Variants in CMPK1 observed in about 807,000 individuals in gnomAD.
CMPK1 encodes UMP-CMP kinase.
Under a neutral mutation model 25.7 loss-of-function variants are expected in CMPK1, and 10 were observed. The observed-to-expected ratio is 0.39, with a 90% CI of 0.24 to 0.66. The LOEUF (loss-of-function observed/expected upper bound fraction) is 0.66, where lower values mean the gene tolerates loss of function less well. Among genes scored for constraint, CMPK1 ranks in the 30% least tolerant of loss-of-function variants. The pLI is 0.48. For synonymous variants in CMPK1, 106 were observed against 101.5 expected (o/e 1.04, Z -0.27); for missense variants, 199 against 280.5 (o/e 0.71, Z 2.08).
chr1:47,344,164 T>C (rs1323210679), intron 1 of CMPK1, among the ~76,000 whole-genome samples: 2 of 151,902 alleles, frequency 1.3e-5, no homozygotes, highest in Non-Finnish European at 2.9e-5. Flanking sequence ...GATAGAATGA[T>C]AAATCCTATG....
intron 1 of CMPK1, among the ~76,000 whole-genome samples, chr1:47,342,640 C>T (rs1363734399): frequency 7.4e-6 from 1 of 134,390 alleles, no homozygotes; most frequent in Non-Finnish European, 1.6e-5. Flanking sequence ...TTTCCTTTTT[C>T]TCTTTTTTCT....
Position 47,333,963 on chromosome 1 carries a change from C to T in CMPK1, c.18C>T (p.Arg6=), listed in dbSNP as rs766662235. ...CGCGGTGTATGCTGAGCCGCTGCCG[C>T]AGCGGGCTGCTCCACGTCCTGGGCC... MLSRC[R]SGLLHVLGLS... The change falls in exon 1 of 6, where the codon CGC becomes CGT. Residue 6 remains arginine, a synonymous_variant. Transcript: ENST00000371873. 4 of 1,492,122 alleles carry T rather than the reference C, an allele frequency of 2.7e-6. No homozygotes were observed. Among genetic ancestry groups the T allele is most frequent in the Admixed American group, 4.0e-5 (2 of 49,754 alleles). The allele number at this position is 1,492,122 out of a possible 1,614,324, so 92.4% of individuals were successfully genotyped here. A position where few individuals can be genotyped will look rare whatever the true frequency, so the allele number is the denominator to read the frequency against.
At position 47,377,998 on chromosome 1, in the gene CMPK1, A is replaced by C; in HGVS notation, c.*1253A>C. 6.6e-6 allele frequency: 1 copy of C among 152,238 alleles called. No homozygotes were observed. Among genetic ancestry groups the C allele is most frequent in the East Asian group, 1.9e-4 (1 of 5,202 alleles). The allele number at this position is 152,238 out of a possible 1,614,324, so 9.4% of individuals were successfully genotyped here. On this transcript the variant is annotated 3_prime_UTR_variant, in exon 6 of 6. Transcript: ENST00000371873. ...ATCCGAGGTTCTTAATATGAGATTT[A>C]AAATCTTAAAATGTTTCTTATTTTC...
chr1:47,357,438 A>G (rs1215767753), intron 1 of CMPK1, among the ~76,000 whole-genome samples: 1 of 151,372 alleles, frequency 6.6e-6, no homozygotes, highest in Non-Finnish European at 1.5e-5. Context: ...ATCCTTTTAC[A>G]AGGAAACCAC....
Position 47,368,451 on chromosome 1 carries a change from T to C in CMPK1, c.172-18T>C, listed in dbSNP as rs1646654269. The C allele has an allele frequency of 2.5e-6, 4 of 1,580,930 alleles. No homozygotes were observed. The East Asian group carries it at 9.2e-5, about 36-fold the overall frequency. On this transcript the variant is annotated intron_variant, in intron 1 of 5. Transcript: ENST00000371873. ...GTTGAATGAATTCTGATATTTTTCC[T>C]ATGTGTGCTTCTTTCAGAAATATGG... is the stretch of plus-strand genomic sequence containing the variant.
chr1:47,369,288 G>A (rs2622901), intron 2 of CMPK1, among the ~76,000 whole-genome samples: 63,706 of 151,986 alleles, frequency 0.42, 15,438 homozygotes, highest in South Asian at 0.55. Flanking sequence ...TTACAGGAGA[G>A]AGCCACCACA....
chr1:47,364,277 T>TTA (rs1409190869), intron 1 of CMPK1, among the ~76,000 whole-genome samples: 2 of 152,072 alleles, frequency 1.3e-5, no homozygotes, highest in Non-Finnish European at 1.5e-5. Context: ...CCTAATAGTT[T>TTA]TATATATATA....
intron 1 of CMPK1, among the ~76,000 whole-genome samples, chr1:47,350,237 C>T (rs1646513398): frequency 6.6e-6 from 1 of 151,394 alleles, no homozygotes; most frequent in African/African-American, 2.4e-5. Context: ...CCATGCTCCA[C>T]CTACTGTTTT....
At chr1:47,370,744 A>G (rs1485742847) in intron 2 of CMPK1, among the ~76,000 whole-genome samples, 1 of 146,990 alleles carries the variant, frequency 6.8e-6, no homozygotes, top group Non-Finnish European at 1.5e-5. Context: ...CAAGACCAAC[A>G]TGGCCAACAT....
intron 2 of CMPK1, among the ~76,000 whole-genome samples, chr1:47,372,302 G>A (rs1381049698): frequency 3.9e-5 from 6 of 151,958 alleles, no homozygotes; most frequent in South Asian, 4.2e-4. Flanking sequence ...CATCTTGGCC[G>A]GGCTGGTTCT....
intron 1 of CMPK1, among the ~76,000 whole-genome samples, chr1:47,368,075 G>T (rs1274256265): frequency 1.3e-5 from 2 of 152,054 alleles, no homozygotes; most frequent in African/African-American, 2.4e-5. Context: ...TCAGCCTCCT[G>T]AGTAGCTGGG....
intron 1 of CMPK1, among the ~76,000 whole-genome samples, chr1:47,337,937 G>GCTA (rs781363097): frequency 6.6e-6 from 1 of 152,220 alleles, no homozygotes. Context: ...AGTGAAGTCA[G>GCTA]CGGTATGTTG....
Position 47,375,295 on chromosome 1 carries a change from T to TTTTTGATGAAGTTGTGCAG in CMPK1, c.645+2_645+3insTTTTGATGAAGTTGTGCAG. 1 of 1,543,488 alleles carries TTTTTGATGAAGTTGTGCAG rather than the reference T, an allele frequency of 6.5e-7. No homozygotes were observed. Among genetic ancestry groups the TTTTTGATGAAGTTGTGCAG allele is most frequent in the Non-Finnish European group, 8.8e-7 (1 of 1,130,282 alleles). Reference sequence around the variant, plus strand: ...GATGCTTCTAAATCTGTTGATGAAGTAAGTGTTCCTAGCCTGTCTTTAAAA... The same window carrying TTTTTGATGAAGTTGTGCAG: ...GATGCTTCTAAATCTGTTGATGAAGTTTTTGATGAAGTTGTGCAGAAGTGTTCCTAGCCTGTCTTTAAAA... On this transcript the variant is annotated splice_region_variant and intron_variant, in intron 5 of 5. Coordinates refer to ENST00000371873, the MANE Select transcript of CMPK1 (RefSeq NM_016308.3).
In CMPK1 at chr1:47,378,776, T is replaced by C. The variant is rs908917597; in HGVS notation, c.*2031T>C. The C allele has an allele frequency of 2.0e-5, 3 of 152,092 alleles. No homozygotes were observed. Among genetic ancestry groups the C allele is most frequent in the Non-Finnish European group, 4.4e-5 (3 of 68,008 alleles). 9.4% of individuals were successfully genotyped at this position (152,092 alleles called of 1,614,324 possible). A position where few individuals can be genotyped will look rare whatever the true frequency, so the allele number is the denominator to read the frequency against. ...TTTTTAAATTATTTCCATTCAGTGA[T>C]GTTGGATGTATATCAGTTATTTAGT... is the stretch of plus-strand genomic sequence containing the variant. On this transcript the variant is annotated 3_prime_UTR_variant, in exon 6 of 6. Coordinates refer to ENST00000371873, the MANE Select transcript of CMPK1 (RefSeq NM_016308.3).
chr1:47,361,384 A>G (rs2622906), intron 1 of CMPK1, among the ~76,000 whole-genome samples: 143,811 of 152,154 alleles, frequency 0.95, 68,344 homozygotes, highest in South Asian at 0.99. Context: ...GCAAGACTCT[A>G]TCTCAAAAAT....
intron 1 of CMPK1, among the ~76,000 whole-genome samples, chr1:47,363,029 C>T (rs1033759572): frequency 2.0e-5 from 3 of 152,154 alleles, no homozygotes; most frequent in Admixed American, 6.6e-5. Context: ...GTAAGTTCCC[C>T]AGGGATGGCA....
At position 47,333,891 on chromosome 1, in the gene CMPK1, C is replaced by A. The variant is rs545775823; in HGVS notation, c.-55C>A. The A allele has an allele frequency of 7.4e-4, 885 of 1,190,776 alleles. No individual in the cohort carries two copies. Among genetic ancestry groups the A allele is most frequent in the Admixed American group, 8.7e-4 (20 of 22,972 alleles). 73.8% of individuals were successfully genotyped at this position (1,190,776 alleles called of 1,614,324 possible). On this transcript the variant is annotated 5_prime_UTR_variant, in exon 1 of 6. Transcript: ENST00000371873. The stretch of plus-strand genomic sequence containing the variant: ...TTCTCCCGCCGCCTCCCCGCCCCGC[C>A]CCGCGCCGCGCCGGCCGCTGTCAGC...
intron 2 of CMPK1, among the ~76,000 whole-genome samples, chr1:47,372,653 A>G (rs1646684475): frequency 6.6e-6 from 1 of 152,178 alleles, no homozygotes; most frequent in Admixed American, 6.5e-5. Flanking sequence ...ACATATACTT[A>G]ACTGTAGAAA....
At chr1:47,376,372 A>G (rs569203589) in intron 5 of CMPK1, among the ~76,000 whole-genome samples, 3 of 151,918 alleles carry the variant, frequency 2.0e-5, no homozygotes, top group South Asian at 2.1e-4. Context: ...CTGGAGTGCA[A>G]TGGTGTGATC....
Sources: gnomAD v4.1 joint callset for allele counts (sites outside exome capture counted in the v4.1 genomes callset) on GRCh38, gnomAD v4.1.1 for gene constraint, MANE v1.5 for transcripts, NCBI Gene and HGNC (gene_info 2026-07-23, HGNC 2026-07-21) for gene names.